Variants in ECT2L observed in about 807,000 individuals in gnomAD.
The protein encoded by ECT2L is epithelial cell transforming 2 like, also known as epithelial cell-transforming sequence 2 oncogene-like.
ECT2L carries 126 observed loss-of-function variants against 122.8 expected under a neutral mutation model. The ratio of observed to expected loss-of-function variants is 1.03; its 90% confidence interval spans 0.89 to 1.19. ECT2L has a LOEUF of 1.19. ECT2L is among the 50% of genes most tolerant of loss of function. ECT2L has a pLI of 0.00. For missense variants in ECT2L, 1,012 were observed against 1,064.1 expected (o/e 0.95, Z 0.68); for synonymous variants, 385 against 381.8 (o/e 1.01, Z -0.10).
At position 138,885,733 on chromosome 6, in the gene ECT2L, AC is replaced by A. The variant is rs1778799522; in HGVS notation, c.2163del (p.Tyr721Ter). On this transcript the variant is annotated frameshift_variant, in exon 18 of 22. Coordinates refer to ENST00000541398, the MANE Select transcript of ECT2L (RefSeq NM_001077706.3). LOFTEE classifies it high-confidence loss of function. Reference protein sequence around the residue: ...RRFEEYLNLLYAVRLHTPAEH... With the variant: ...RRFEEYLNLLXAVRLHTPAEH... Reference sequence around the variant, plus strand: ...TTTGAAGAATACCTTAATCTTCTCTACGCTGTCAGGCTTCATACCCCTGCAG... The same window carrying A: ...TTTGAAGAATACCTTAATCTTCTCTAGCTGTCAGGCTTCATACCCCTGCAG... 6 of 1,614,174 alleles carry A rather than the reference AC, an allele frequency of 3.7e-6. No homozygotes were observed. The highest frequency in any genetic ancestry group is 5.1e-6 in the Non-Finnish European group (6 of 1,180,032).
chr6:138,817,261 A>T (rs1453825223), intron 4 of ECT2L, among the ~76,000 whole-genome samples: 1 of 152,238 alleles, frequency 6.6e-6, no homozygotes, highest in Non-Finnish European at 1.5e-5. Context: ...CAAGTTTTGC[A>T]TAGAGATGTT....
chr6:138,880,897 T>A (rs1778621792), intron 14 of ECT2L, 60 bp from the exon 15 acceptor site: 1 of 1,487,498 alleles, frequency 6.7e-7, no homozygotes, highest in Admixed American at 1.8e-5. Context: ...TGTAGCTGCC[T>A]GACTGCTCAG....
At chr6:138,894,975 TTGAC>T (rs1262672712) in intron 20 of ECT2L, among the ~76,000 whole-genome samples, 3 of 152,154 alleles carry the variant, frequency 2.0e-5, no homozygotes, top group Non-Finnish European at 4.4e-5. Flanking sequence ...ATATTTGAAA[TTGAC>T]TGGGTGTGGT....
At chr6:138,810,052 A>G (rs1562451302) in intron 1 of ECT2L, among the ~76,000 whole-genome samples, 1 of 152,222 alleles carries the variant, frequency 6.6e-6, no homozygotes, top group Non-Finnish European at 1.5e-5. Context: ...CTTTATGCAA[A>G]GAGGTAGAAA....
intron 6 of ECT2L, among the ~76,000 whole-genome samples, chr6:138,843,466 G>A (rs946564813): frequency 6.6e-6 from 1 of 152,072 alleles, no homozygotes; most frequent in Non-Finnish European, 1.5e-5. Flanking sequence ...TTGCTATTCT[G>A]GCTCCTCTCA....
intron 4 of ECT2L, among the ~76,000 whole-genome samples, chr6:138,821,718 C>G (rs12193938): frequency 0.23 from 34,581 of 152,278 alleles, 4,281 homozygotes; most frequent in Middle Eastern, 0.29. Flanking sequence ...GGACCAAGCA[C>G]AGTTCTGAGT....
intron 16 of ECT2L, among the ~76,000 whole-genome samples, chr6:138,883,983 C>G (rs938967422): frequency 6.6e-6 from 1 of 152,176 alleles, no homozygotes; most frequent in African/African-American, 2.4e-5. Flanking sequence ...CCCACCTCAG[C>G]CTACCAAGTA....
chr6:138,799,825 A>G (rs888666242), intron 1 of ECT2L, among the ~76,000 whole-genome samples: 1 of 152,208 alleles, frequency 6.6e-6, no homozygotes, highest in Non-Finnish European at 1.5e-5. Flanking sequence ...TGCCTGGATT[A>G]CAAGTGTGAG....
At chr6:138,885,928 G>A (rs569594712) in intron 18 of ECT2L, 98 bp downstream of exon 18, 61 of 1,253,382 alleles carry the variant, frequency 4.9e-5, no homozygotes, top group Admixed American at 3.0e-4. Context: ...TTCTTGTGGG[G>A]TTCTTCGCTT....
At chr6:138,799,031 C>A (rs903560766) in intron 1 of ECT2L, among the ~76,000 whole-genome samples, 6 of 152,172 alleles carry the variant, frequency 3.9e-5, no homozygotes. Flanking sequence ...GTTCTGACCA[C>A]AAGCCACTCC....
At chr6:138,850,537 T>TGTTC (rs1777402018) in intron 9 of ECT2L, among the ~76,000 whole-genome samples, 2 of 151,768 alleles carry the variant, frequency 1.3e-5, no homozygotes, top group Non-Finnish European at 2.9e-5. Context: ...TAGTATGTTT[T>TGTTC]ATCTGTTCAT....
chr6:138,862,508 C>A (rs1274165341), intron 10 of ECT2L, 119 bp from the exon 11 acceptor site: 8 of 936,154 alleles, frequency 8.5e-6, no homozygotes, highest in Admixed American at 1.9e-5. Flanking sequence ...CCAGGCCCCA[C>A]CTCCAACGTT....
intron 20 of ECT2L, among the ~76,000 whole-genome samples, chr6:138,890,392 C>T (rs1395192014): frequency 2.0e-5 from 3 of 151,544 alleles, no homozygotes; most frequent in African/African-American, 7.3e-5. Context: ...AGAAATCAGT[C>T]CCCTCACCTC....
intron 8 of ECT2L, among the ~76,000 whole-genome samples, chr6:138,846,964 TAAAAAA>T (rs775229639): frequency 1.4e-5 from 1 of 73,126 alleles, no homozygotes; most frequent in Non-Finnish European, 2.6e-5. Flanking sequence ...TCTGTTTCTA[TAAAAAA>T]AAAAAAAAAA....
chr6:138,833,249 A>T (rs1776711160), intron 4 of ECT2L, among the ~76,000 whole-genome samples: 1 of 152,226 alleles, frequency 6.6e-6, no homozygotes, highest in Admixed American at 6.5e-5. Flanking sequence ...CTTTCAGCTC[A>T]GTCTACTGAT....
intron 20 of ECT2L, among the ~76,000 whole-genome samples, chr6:138,897,478 G>A (rs1231898674): frequency 6.6e-6 from 1 of 152,110 alleles, no homozygotes; most frequent in Non-Finnish European, 1.5e-5. Flanking sequence ...GTTTTCGCAG[G>A]AGGTCCTGGA....
chr6:138,802,412 G>A (rs1165163128), intron 1 of ECT2L, among the ~76,000 whole-genome samples: 4 of 152,184 alleles, frequency 2.6e-5, no homozygotes, highest in Non-Finnish European at 2.9e-5. Context: ...TTGTTACACA[G>A]CATTAAATAA....
chr6:138,798,714 T>C (rs1269134648), intron 1 of ECT2L, among the ~76,000 whole-genome samples: 1 of 152,236 alleles, frequency 6.6e-6, no homozygotes, highest in East Asian at 1.9e-4. Context: ...AATACATCCG[T>C]AGCAGTTGTT....
At chr6:138,844,064 C>G (rs1030803506) in intron 6 of ECT2L, among the ~76,000 whole-genome samples, 4 of 152,192 alleles carry the variant, frequency 2.6e-5, no homozygotes, top group African/African-American at 9.7e-5. Flanking sequence ...ATGTTTTCTT[C>G]CCACTAACCC....
Sources: allele counts gnomAD v4.1 joint callset (sites outside exome capture counted in the v4.1 genomes callset), GRCh38; gene constraint gnomAD v4.1.1; transcripts MANE v1.5; gene names NCBI Gene and HGNC (gene_info 2026-07-23, HGNC 2026-07-21).